The following MCC variants were observed in gnomAD, a reference collection of about 807,000 sequenced individuals.
MCC encodes colorectal mutant cancer protein.
Under a neutral mutation model 116.2 loss-of-function variants are expected in MCC, and 90 were observed. That is an observed-to-expected ratio of 0.77 (90% CI 0.65 to 0.92). The LOEUF is 0.92. Among genes scored for constraint, MCC ranks in the 40% least tolerant of loss-of-function variants. The pLI is 0.00. For missense variants in MCC, 1,516 were observed against 1,312.2 expected, an observed-to-expected ratio of 1.16 and a Z score of -2.40; for synonymous variants, 578 against 510.5, an observed-to-expected ratio of 1.13 and a Z score of -1.78.
intron 3 of MCC, among the ~76,000 whole-genome samples, chr5:113,288,349 C>A (rs1297894308): frequency 1.3e-5 from 2 of 152,200 alleles, no homozygotes; most frequent in African/African-American, 4.8e-5. Context: ...TCTGGCACCT[C>A]AAGTATTGTA....
intron 1 of MCC, among the ~76,000 whole-genome samples, chr5:113,487,156 A>G (rs554929765): frequency 3.3e-5 from 5 of 151,038 alleles, no homozygotes; most frequent in African/African-American, 9.7e-5. Context: ...CAAATAAATA[A>G]TTTTTTTTAT....
Position 113,340,627 on chromosome 5 carries a change from C to G in MCC, c.519G>C (p.Glu173Asp), listed in dbSNP as rs771574971. Residue 173 changes from glutamate to aspartate, a missense_variant, in exon 3 of 19, where the codon GAG (glutamate) becomes GAC (aspartate). Transcript: ENST00000408903. ...GCTGATGCAAAGAGCTTCCGCCATACTCGAGCAGCTTCTGGAGGGCTGACT... is the reference window on the plus strand; with the variant it reads ...GCTGATGCAAAGAGCTTCCGCCATAGTCGAGCAGCTTCTGGAGGGCTGACT... ...QSQSALQKLL[E>D]YGGSSLHQQA... 5 of 1,614,052 alleles carry G rather than the reference C, an allele frequency of 3.1e-6. No individual in the cohort carries two copies. The highest frequency in any genetic ancestry group is 4.2e-6 in the Non-Finnish European group (5 of 1,180,034).
At chr5:113,218,101 G>T (rs1287510890) in intron 3 of MCC, among the ~76,000 whole-genome samples, 1 of 138,800 alleles carries the variant, frequency 7.2e-6, no homozygotes, top group African/African-American at 3.0e-5. Flanking sequence ...CACGGGGGTG[G>T]GGGTGAGGTG....
At chr5:113,082,154 A>G (rs1277202601) in intron 11 of MCC, among the ~76,000 whole-genome samples, 3 of 152,256 alleles carry the variant, frequency 2.0e-5, no homozygotes, top group Non-Finnish European at 4.4e-5. Flanking sequence ...CCAACAGGCA[A>G]AAGGGCAAAC....
intron 3 of MCC, among the ~76,000 whole-genome samples, chr5:113,277,693 C>A (rs962092762): frequency 6.6e-6 from 1 of 152,216 alleles, no homozygotes; most frequent in Non-Finnish European, 1.5e-5. Context: ...ATGGTCCTTT[C>A]ATCTGCATTT....
intron 1 of MCC, among the ~76,000 whole-genome samples, chr5:113,478,110 AAGAC>A (rs1201682659): frequency 1.3e-5 from 2 of 152,222 alleles, no homozygotes; most frequent in Non-Finnish European, 1.5e-5. Flanking sequence ...TGATGACACT[AAGAC>A]AGAGGCAAGG....
chr5:113,292,585 A>G (rs1766545722), intron 3 of MCC, among the ~76,000 whole-genome samples: 1 of 152,072 alleles, frequency 6.6e-6, no homozygotes, highest in Non-Finnish European at 1.5e-5. Flanking sequence ...AGGCAAAAAA[A>G]ATGGGTAATT....
chr5:113,116,436 T>G (rs1757398212), intron 6 of MCC, among the ~76,000 whole-genome samples: 1 of 152,140 alleles, frequency 6.6e-6, no homozygotes, highest in Admixed American at 6.5e-5. Flanking sequence ...TTAAGAAAAA[T>G]TATGTCATGA....
intron 7 of MCC, among the ~76,000 whole-genome samples, chr5:113,103,200 C>G (rs923807645): frequency 2.6e-5 from 4 of 152,160 alleles, no homozygotes; most frequent in African/African-American, 9.7e-5. Context: ...GGGTACATCA[C>G]TCTTGGATGC....
intron 3 of MCC, among the ~76,000 whole-genome samples, chr5:113,320,196 T>A (rs1767384198): frequency 2.0e-5 from 3 of 152,200 alleles, no homozygotes; most frequent in South Asian, 4.1e-4. Flanking sequence ...GCTTTTTTTA[T>A]AGCATGTACT....
chr5:113,063,003 T>A (rs1297949359), intron 14 of MCC, among the ~76,000 whole-genome samples: 1 of 152,192 alleles, frequency 6.6e-6, no homozygotes, highest in African/African-American at 2.4e-5. Flanking sequence ...TGTCATGAGA[T>A]CCAATGTGGG....
At chr5:113,056,689 T>C (rs1056441484) in intron 14 of MCC, among the ~76,000 whole-genome samples, 2 of 152,050 alleles carry the variant, frequency 1.3e-5, no homozygotes, top group Non-Finnish European at 2.9e-5. Flanking sequence ...AGTTTACCTA[T>C]GTAACAACCG....
intron 1 of MCC, among the ~76,000 whole-genome samples, chr5:113,422,626 T>C (rs1770372216): frequency 6.6e-6 from 1 of 152,314 alleles, no homozygotes; most frequent in South Asian, 2.1e-4. Context: ...TTATCAGGTA[T>C]GGCCCAGCTT....
intron 2 of MCC, among the ~76,000 whole-genome samples, chr5:113,357,942 C>T (rs1368319588): frequency 6.6e-6 from 1 of 152,184 alleles, no homozygotes; most frequent in East Asian, 1.9e-4. Flanking sequence ...TCCAAGTGCA[C>T]TTTACTTCCT....
chr5:113,296,531 G>C (rs2150363350), intron 3 of MCC, among the ~76,000 whole-genome samples: 1 of 152,288 alleles, frequency 6.6e-6, no homozygotes, highest in African/African-American at 2.4e-5. Context: ...TAAGGGGAAA[G>C]CGTTCCAGGC....
rs1283088033 is a variant in MCC at position 113,488,366 on chromosome 5, C to CGCCGCCGCT, written c.48_49insAGCGGCGGC (p.Gly16_Gly17insSerGlyGly). Reference sequence around the variant, plus strand: ...CTGCTGCCGCTGCCGCCGCCGCCGCCGCCGCTGCTGGAGCTCCCCGCAGCC... The same window carrying CGCCGCCGCT: ...CTGCTGCCGCTGCCGCCGCCGCCGCCGCCGCCGCTGCCGCTGCTGGAGCTCCCCGCAGCC... On this transcript the variant is annotated inframe_insertion, in exon 1 of 19. Transcript: ENST00000408903. 9 of 1,520,374 alleles carry CGCCGCCGCT rather than the reference C, an allele frequency of 5.9e-6. No individual in the cohort carries two copies. The highest frequency in any genetic ancestry group is 2.8e-5 in the East Asian group (1 of 35,378). 94.2% of individuals were successfully genotyped at this position (1,520,374 alleles called of 1,614,324 possible). A position where few individuals can be genotyped will look rare whatever the true frequency, so the allele number is the denominator to read the frequency against.
Position 113,434,938 on chromosome 5 carries a change from T to C in MCC, c.171-49726A>G. 2.7e-6 allele frequency: 4 copies of C among 1,461,440 alleles called. No individual in the cohort carries two copies. In the Admixed American group the frequency reaches 9.3e-5, roughly 34 times the overall value. The allele number at this position is 1,461,440 out of a possible 1,614,324, so 90.5% of individuals were successfully genotyped here. ...TTTACATCCTGGATAGAGAGTCCTTTGGGCTGGCCAGGCCTGCTGTTCCTG... is the reference window on the plus strand; with the variant it reads ...TTTACATCCTGGATAGAGAGTCCTTCGGGCTGGCCAGGCCTGCTGTTCCTG... On this transcript the variant is annotated intron_variant, in intron 1 of 18. Transcript: ENST00000408903. This position sits in a 1 kb window ranked among gnomAD's most constrained non-coding sequence, Gnocchi z 4.2.
At chr5:113,374,532 C>T (rs919280550) in intron 2 of MCC, among the ~76,000 whole-genome samples, 11 of 152,060 alleles carry the variant, frequency 7.2e-5, no homozygotes, top group South Asian at 4.1e-4. Flanking sequence ...GGGGACAGAC[C>T]GACTTACGCC....
At chr5:113,153,349 T>C (rs190066549) in intron 3 of MCC, among the ~76,000 whole-genome samples, 2 of 152,286 alleles carry the variant, frequency 1.3e-5, no homozygotes, top group Non-Finnish European at 2.9e-5. Flanking sequence ...GAGAGAATGC[T>C]GCATGCTCCC....
Sources: allele counts gnomAD v4.1 joint callset (sites outside exome capture counted in the v4.1 genomes callset), GRCh38; gene constraint gnomAD v4.1.1; non-coding constraint Gnocchi (gnomAD v3.1); transcripts MANE v1.5; gene names NCBI Gene and HGNC (gene_info 2026-07-23, HGNC 2026-07-21).